SYNE2: variants seen among roughly 807,000 people sequenced by gnomAD.
The protein encoded by SYNE2 is nesprin-2.
In SYNE2, 431 loss-of-function variants were observed where a neutral mutation model predicts 856.3. The observed-to-expected ratio is 0.50, with a 90% CI of 0.47 to 0.55. The LOEUF (loss-of-function observed/expected upper bound fraction) is 0.55, where lower values mean the gene tolerates loss of function less well. Among genes scored for constraint, SYNE2 ranks in the 20% least tolerant of loss-of-function variants. SYNE2 has a pLI of 0.00. For synonymous variants in SYNE2, 2,923 were observed against 2,872.3 expected, an observed-to-expected ratio of 1.02 and a Z score of -0.56; for missense variants, 8,129 against 8,023.2, an observed-to-expected ratio of 1.01 and a Z score of -0.50.
intron 1 of SYNE2, among the ~76,000 whole-genome samples, chr14:63,772,297 T>G (rs1371745758): frequency 1.3e-5 from 2 of 151,972 alleles, no homozygotes. Flanking sequence ...GAGGCTGCAG[T>G]GAGCTGTGGT....
chr14:64,010,461 G>A (rs1215876585), intron 32 of SYNE2, among the ~76,000 whole-genome samples: 1 of 152,138 alleles, frequency 6.6e-6, no homozygotes, highest in Non-Finnish European at 1.5e-5. Context: ...AAGGAAGACG[G>A]TGGGAAAATC....
chr14:64,023,280 G>A (rs2096951423), intron 38 of SYNE2: 3 of 165,162 alleles, frequency 1.8e-5, no homozygotes, highest in Non-Finnish European at 3.9e-5. Context: ...TAAGTACTTT[G>A]ACTTACTGAT....
At chr14:63,997,241 C>A in intron 24 of SYNE2, 60 bp from the exon 25 acceptor site, 1 of 1,583,864 alleles carries the variant, frequency 6.3e-7, no homozygotes, top group Non-Finnish European at 8.7e-7. Flanking sequence ...GTTAGTCATG[C>A]TTGTTTAGGT....
chr14:64,212,801 C>T lies in SYNE2; in HGVS notation c.18862-10C>T. On this transcript the variant is annotated splice_polypyrimidine_tract_variant and intron_variant, in intron 104 of 115. Coordinates refer to ENST00000555002, the MANE Select transcript of SYNE2 (RefSeq NM_182914.3). ...TTCTTTGAAATCCTTTCTTTCTCCT[C>T]TCTCAACAGGGCTTCCAACAGGAAA... The T allele has an allele frequency of 6.2e-7, 1 of 1,613,974 alleles. No homozygotes were observed. Among genetic ancestry groups the T allele is most frequent in the Non-Finnish European group, 8.5e-7 (1 of 1,179,788 alleles).
chr14:63,820,462 A>G lies in SYNE2; in HGVS notation c.-304-32039A>G, dbSNP rs535975120. 7.9e-4 allele frequency among the ~76,000 whole-genome samples: 121 copies of G among 152,348 alleles called. 2 individuals are homozygous for G. In the South Asian group the frequency reaches 0.025, roughly 31 times the overall value. ...AAACTATAAACATTTAGAAGAAAAC[A>G]TAGGAAAAATATTGTAGTCTTGGAC... On this transcript the variant is annotated intron_variant, in intron 1 of 23. Transcript: ENST00000674003.
chr14:63,831,748 T>C (rs900380098), intron 1 of SYNE2, among the ~76,000 whole-genome samples: 2 of 151,718 alleles, frequency 1.3e-5, no homozygotes, highest in African/African-American at 2.4e-5. Flanking sequence ...TTCGCCATGT[T>C]GGCCAGGCTG....
At chr14:64,062,354 G>A (rs1048183784) in intron 49 of SYNE2, among the ~76,000 whole-genome samples, 2 of 152,176 alleles carry the variant, frequency 1.3e-5, no homozygotes, top group African/African-American at 4.8e-5. Context: ...TTAGGATACA[G>A]TTCTTAAGGT....
At position 64,052,387 on chromosome 14, in the gene SYNE2, G is replaced by A. The variant is rs748757670; in HGVS notation, c.8474G>A (p.Arg2825Lys). ...ATGCTGGTTTTAAAATCAACTCAAA[G>A]ATCACAGCAATTAGAATTTAAGTTG... ...YQMLVLKSTQ[R>K]SQQLEFKLEE... Residue 2825 changes from arginine (R) to lysine (K), a missense_variant, in exon 48 of 116, where the codon AGA (arginine) becomes AAA (lysine). Physicochemically the swap from Arg to Lys is conservative, Grantham distance 26. This residue lies in a region of SYNE2 where 5,410 missense variants were observed against 5,284.8 expected (regional missense o/e 1.02). Transcript: ENST00000555002. 3.0e-5 allele frequency: 48 copies of A among 1,613,882 alleles called. No homozygotes were observed. The highest frequency in any genetic ancestry group is 4.0e-5 in the Non-Finnish European group (47 of 1,180,000).
At chr14:63,944,796 G>A (rs1005391898) in intron 6 of SYNE2, among the ~76,000 whole-genome samples, 3 of 146,744 alleles carry the variant, frequency 2.0e-5, no homozygotes, top group African/African-American at 7.6e-5. Flanking sequence ...TGGGATTACA[G>A]GCGTGAGCCA....
chr14:63,773,045 T>C (rs1002472796), intron 1 of SYNE2, among the ~76,000 whole-genome samples: 4 of 152,070 alleles, frequency 2.6e-5, no homozygotes, highest in African/African-American at 9.7e-5. Context: ...CCGAAAGTGC[T>C]GGGATTACAG....
chr14:64,199,713 C>CAAAAA (rs34710996), intron 99 of SYNE2, among the ~76,000 whole-genome samples: 10 of 66,054 alleles, frequency 1.5e-4, no homozygotes, highest in Non-Finnish European at 1.8e-4. Context: ...GACTCTGTCT[C>CAAAAA]AAAAAAAAAA....
Position 64,103,439 on chromosome 14 carries a change from A to G in SYNE2, c.12492+1397A>G, listed in dbSNP as rs377693966. Among the ~76,000 whole-genome samples the G allele has an allele frequency of 1.9e-4, 29 of 150,846 alleles. 1 individual carries two copies. Among genetic ancestry groups the G allele is most frequent in the Middle Eastern group, 3.4e-3 (1 of 294 alleles). ...TTTTACTCCTTATGACATTCTAAAT[A>G]TTTTCCAGTCTCTCAAATGGTCTCA... is the stretch of plus-strand genomic sequence containing the variant. On this transcript the variant is annotated intron_variant, in intron 64 of 115. Transcript: ENST00000555002.
At chr14:63,763,232 T>C (rs1365907332) in intron 1 of SYNE2, among the ~76,000 whole-genome samples, 5 of 152,172 alleles carry the variant, frequency 3.3e-5, no homozygotes, top group Admixed American at 6.5e-5. Context: ...CCTCCCAAAG[T>C]GCTGGGATTA....
chr14:63,761,974 G>T, exon 1 of SYNE2: 1 of 362,172 alleles, frequency 2.8e-6, no homozygotes, highest in Non-Finnish European at 5.8e-6. Flanking sequence ...GGGACCCAGT[G>T]ACAGCGTGAG....
At chr14:64,130,349 T>G in intron 76 of SYNE2, 101 bp downstream of exon 76, 4 of 1,073,224 alleles carry the variant, frequency 3.7e-6, no homozygotes, top group Non-Finnish European at 5.6e-6. Context: ...TTTGTTGAAA[T>G]TTAAGCTATT....
intron 1 of SYNE2, among the ~76,000 whole-genome samples, chr14:63,818,112 G>A (rs1372464419): frequency 2.0e-5 from 3 of 151,474 alleles, no homozygotes; most frequent in Non-Finnish European, 2.9e-5. Flanking sequence ...TTGGGAGGCC[G>A]AGGTGGGCAC....
At chr14:63,961,848 A>G (rs574578235) in intron 9 of SYNE2, among the ~76,000 whole-genome samples, 1 of 151,118 alleles carries the variant, frequency 6.6e-6, no homozygotes, top group Non-Finnish European at 1.5e-5. Context: ...GGCAACCAGC[A>G]TTCTAATTTC....
At position 63,927,179 on chromosome 14, in the gene SYNE2, G is replaced by C. The variant is rs1379860173; in HGVS notation, c.80-13435G>C. Among the ~76,000 whole-genome samples the C allele has an allele frequency of 2.6e-5, 4 of 152,366 alleles. No homozygotes were observed. The East Asian group carries it at 7.7e-4, about 29-fold the overall frequency. ...TCTAACAATCGAGTAATTCGGGTAA[G>C]TTTGGGACAGATTGGAATGGCGCAG... On this transcript the variant is annotated intron_variant, in intron 2 of 115. Transcript: ENST00000555002.
intron 11 of SYNE2, 26 bp downstream of exon 11, chr14:63,967,872 A>C (rs770501973): frequency 6.2e-7 from 1 of 1,612,682 alleles, no homozygotes; most frequent in Non-Finnish European, 8.5e-7. Context: ...GATTAGAAGA[A>C]TATTTTCAGG....
Sources: allele counts gnomAD v4.1 joint callset (sites outside exome capture counted in the v4.1 genomes callset), GRCh38; gene constraint gnomAD v4.1.1; regional missense constraint gnomAD v4.1.1; transcripts MANE v1.5; gene names NCBI Gene and HGNC (gene_info 2026-07-23, HGNC 2026-07-21).